Variants in ADCY2 observed in about 807,000 individuals in gnomAD.
The protein encoded by ADCY2 is adenylate cyclase type 2.
ADCY2 carries 31 observed loss-of-function variants against 125.2 expected under a neutral mutation model. That is an observed-to-expected ratio of 0.25 (90% CI 0.19 to 0.33). The LOEUF (loss-of-function observed/expected upper bound fraction) is 0.33. ADCY2 is among the 10% of genes least tolerant of loss of function. ADCY2 has a pLI of 1.00. For synonymous variants in ADCY2, 512 were observed against 548.4 expected, an observed-to-expected ratio of 0.93 and a Z score of 0.93; for missense variants, 904 against 1,418.2, an observed-to-expected ratio of 0.64 and a Z score of 5.82.
chr5:7,514,960 G>T (rs1315296504), intron 2 of ADCY2, among the ~76,000 whole-genome samples: 1 of 152,186 alleles, frequency 6.6e-6, no homozygotes, highest in Non-Finnish European at 1.5e-5. Flanking sequence ...CACCCACTTT[G>T]TGATAATTTG....
chr5:7,563,036 C>A (rs1735761791), intron 3 of ADCY2, among the ~76,000 whole-genome samples: 1 of 152,074 alleles, frequency 6.6e-6, no homozygotes, highest in Non-Finnish European at 1.5e-5. Context: ...TTATATTGGT[C>A]TTGTTCTCAT....
At chr5:7,478,253 C>T (rs41335448) in intron 2 of ADCY2, among the ~76,000 whole-genome samples, 7,412 of 151,996 alleles carry the variant, frequency 0.049, 518 homozygotes, top group African/African-American at 0.15. Flanking sequence ...CCTAGTTGAC[C>T]GATAACAAAA....
chr5:7,582,607 C>T (rs1465364631), intron 3 of ADCY2, among the ~76,000 whole-genome samples: 1 of 152,098 alleles, frequency 6.6e-6, no homozygotes, highest in African/African-American at 2.4e-5. Flanking sequence ...TAGTTTAACA[C>T]ATTCACAGAA....
intron 17 of ADCY2, among the ~76,000 whole-genome samples, chr5:7,771,118 G>A (rs79801528): frequency 0.016 from 2,410 of 152,280 alleles, 68 homozygotes; most frequent in African/African-American, 0.055. Flanking sequence ...CTGCCCTGAA[G>A]TAGATACTTA....
At chr5:7,704,165 T>C (rs1388512095) in intron 7 of ADCY2, among the ~76,000 whole-genome samples, 1 of 152,064 alleles carries the variant, frequency 6.6e-6, no homozygotes, top group Non-Finnish European at 1.5e-5. Context: ...GTGGGATGGG[T>C]ACCAGACAGG....
intron 2 of ADCY2, among the ~76,000 whole-genome samples, chr5:7,458,412 G>A (rs1741788698): frequency 6.6e-6 from 1 of 152,110 alleles, no homozygotes; most frequent in Non-Finnish European, 1.5e-5. Context: ...TTTATATAAA[G>A]CAGTTATTTG....
intron 3 of ADCY2, among the ~76,000 whole-genome samples, chr5:7,554,077 C>T (rs756179695): frequency 3.3e-5 from 5 of 151,918 alleles, no homozygotes; most frequent in Non-Finnish European, 7.4e-5. Context: ...AAAAAAAGGG[C>T]ATTGGAGAAA....
intron 4 of ADCY2, among the ~76,000 whole-genome samples, chr5:7,663,018 T>C (rs1238727590): frequency 1.3e-5 from 2 of 152,204 alleles, no homozygotes; most frequent in East Asian, 3.9e-4. Context: ...TAGCAATTGA[T>C]TGTCAAACAT....
chr5:7,408,344 T>C (rs1346277997), intron 1 of ADCY2, among the ~76,000 whole-genome samples: 1 of 152,190 alleles, frequency 6.6e-6, no homozygotes, highest in Non-Finnish European at 1.5e-5. Context: ...TTCATTATTC[T>C]TTGAAAATTT....
intron 3 of ADCY2, among the ~76,000 whole-genome samples, chr5:7,530,975 A>G (rs1396860586): frequency 1.3e-5 from 2 of 152,110 alleles, no homozygotes; most frequent in East Asian, 3.9e-4. Context: ...ATGTACAAAT[A>G]TCCCTCAGTC....
rs59664339 is a variant in ADCY2 at position 7,658,431 on chromosome 5, G to GTGTGTGTGTGTGTATA, written c.720+32116_720+32117insGTGTGTGTGTGTATAT. Among the ~76,000 whole-genome samples the GTGTGTGTGTGTGTATA allele has an allele frequency of 1.5e-4, 21 of 143,014 alleles. 1 individual carries two copies. In the East Asian group the frequency reaches 4.5e-3, roughly 31 times the overall value. 93.8% of individuals were successfully genotyped at this position (143,014 alleles called of 152,430 possible). A position where few individuals can be genotyped will look rare whatever the true frequency, so the allele number is the denominator to read the frequency against. The stretch of plus-strand genomic sequence containing the variant: ...TGTGTGTGTGTGTGTGTGTGTGTGT[G>GTGTGTGTGTGTGTATA]TATATATATATATATTTGAGATGGA... On this transcript the variant is annotated intron_variant, in intron 4 of 24. Transcript: ENST00000338316.
chr5:7,737,063 AG>A (rs1435422628), intron 14 of ADCY2, among the ~76,000 whole-genome samples: 1 of 152,198 alleles, frequency 6.6e-6, no homozygotes, highest in Non-Finnish European at 1.5e-5. Flanking sequence ...TCACTGTTAC[AG>A]TTCTTCCCTA....
At chr5:7,415,496 A>G (rs935981472) in intron 2 of ADCY2, among the ~76,000 whole-genome samples, 1 of 152,040 alleles carries the variant, frequency 6.6e-6, no homozygotes, top group Non-Finnish European at 1.5e-5. Flanking sequence ...TAGGCTTCCT[A>G]TTTCTCCAGG....
intron 3 of ADCY2, among the ~76,000 whole-genome samples, chr5:7,588,286 A>T (rs377416740): frequency 2.6e-5 from 4 of 152,236 alleles, no homozygotes; most frequent in Non-Finnish European, 5.9e-5. Context: ...ACATAAAAAA[A>T]TCCACATAAA....
intron 2 of ADCY2, among the ~76,000 whole-genome samples, chr5:7,473,372 G>A (rs572970171): frequency 6.6e-6 from 1 of 152,006 alleles, no homozygotes; most frequent in Admixed American, 6.5e-5. Flanking sequence ...AAGAGAGAGT[G>A]GGGGGAGGTG....
intron 2 of ADCY2, among the ~76,000 whole-genome samples, chr5:7,416,715 A>G (rs990674851): frequency 6.6e-6 from 1 of 152,174 alleles, no homozygotes; most frequent in South Asian, 2.1e-4. Context: ...AGGTAATTTT[A>G]AAAATTACTG....
At chr5:7,763,181 C>T (rs1011969870) in intron 16 of ADCY2, among the ~76,000 whole-genome samples, 1 of 151,970 alleles carries the variant, frequency 6.6e-6, no homozygotes, top group African/African-American at 2.4e-5. Flanking sequence ...GCAAGCTCCG[C>T]CTCCCGGGTT....
chr5:7,817,475 C>T (rs1579473431), intron 23 of ADCY2, among the ~76,000 whole-genome samples: 1 of 152,078 alleles, frequency 6.6e-6, no homozygotes, highest in East Asian at 1.9e-4. Context: ...ACAGCTTTTC[C>T]GATTGTGTTC....
chr5:7,615,447 A>G (rs1454399638), intron 3 of ADCY2, among the ~76,000 whole-genome samples: 1 of 152,162 alleles, frequency 6.6e-6, no homozygotes, highest in Non-Finnish European at 1.5e-5. Flanking sequence ...CTCATGGGGT[A>G]TGTTAGATGG....
Sources: gnomAD v4.1 joint callset for allele counts (sites outside exome capture counted in the v4.1 genomes callset) on GRCh38, gnomAD v4.1.1 for gene constraint, MANE v1.5 for transcripts, NCBI Gene and HGNC (gene_info 2026-07-23, HGNC 2026-07-21) for gene names.